SLC6A9: variants seen among roughly 807,000 people sequenced by gnomAD.
SLC6A9 encodes the protein sodium- and chloride-dependent glycine transporter 1.
In SLC6A9, 31 loss-of-function variants were observed where a neutral mutation model predicts 70.9. The ratio of observed to expected loss-of-function variants is 0.44; its 90% CI spans 0.33 to 0.59. The LOEUF is 0.59. Ranked by LOEUF, SLC6A9 falls within the 20% of genes least tolerant of loss-of-function variation. The probability of loss-of-function intolerance (pLI) is 0.04; values close to 1 mark genes in which losing one functional copy is unlikely to be tolerated. For missense variants in SLC6A9, 631 were observed against 845.2 expected (o/e 0.75, Z 3.14); for synonymous variants, 310 against 341.3 (o/e 0.91, Z 1.01).
rs1557663318 is a variant in SLC6A9, at chr1:43,997,704, C to G, written c.1743G>C (p.Trp581Cys). 5 of 1,610,026 alleles carry G rather than the reference C, an allele frequency of 3.1e-6. No individual in the cohort carries two copies. The highest frequency in any genetic ancestry group is 4.2e-6 in the Non-Finnish European group (5 of 1,178,642). Residue 581 changes from tryptophan to cysteine, a missense_variant, in exon 14 of 14, where the codon TGG becomes TGC. Physicochemically the swap from Trp to Cys is radical, Grantham distance 215. Transcript: ENST00000372310. The surrounding 1 kb of genome is among the most constrained non-coding windows in gnomAD (Gnocchi z 4.4). Reference protein sequence around the residue: ...LKNATKPSRDWGPALLEHRTG... With the variant: ...LKNATKPSRDCGPALLEHRTG... ...TCCGGTGCTCCAGGAGGGCAGGGCC[C>G]CAGTCTCTGCTTGGCTTTGTGGCAT...
At chr1:44,004,656 T>C (rs2086247555) in intron 5 of SLC6A9, among the ~76,000 whole-genome samples, 1 of 152,228 alleles carries the variant, frequency 6.6e-6, no homozygotes, top group Non-Finnish European at 1.5e-5. Context: ...TATATTATTT[T>C]TGACTGCAAG....
chr1:44,013,630 G>A lies in SLC6A9; in HGVS notation c.31-2748C>T, dbSNP rs936645030. On this transcript the variant is annotated intron_variant, in intron 2 of 13. Transcript: ENST00000372310. The surrounding 1 kb of genome is among the most constrained non-coding windows in gnomAD (Gnocchi z 5.3). ...TCCCAGCACTGTGGCGCTCGACCACGGGAATCTGGCCCAGGCTTGGCCTCT... is the reference window on the plus strand; with the variant it reads ...TCCCAGCACTGTGGCGCTCGACCACAGGAATCTGGCCCAGGCTTGGCCTCT... 5.3e-5 allele frequency among the ~76,000 whole-genome samples: 8 copies of A among 152,182 alleles called. No homozygotes were observed. Among genetic ancestry groups the A allele is most frequent in the African/African-American group, 1.2e-4 (5 of 41,438 alleles).
chr1:44,019,666 A>G (rs1297933941), intron 2 of SLC6A9, among the ~76,000 whole-genome samples: 2 of 152,244 alleles, frequency 1.3e-5, no homozygotes, highest in African/African-American at 4.8e-5. Flanking sequence ...AGGAGGCGGC[A>G]GCAGCCCAGC....
chr1:43,997,407 G>A lies in SLC6A9; in HGVS notation c.*138C>T, dbSNP rs2085901790. The A allele has an allele frequency of 1.4e-6, 1 of 725,868 alleles. No homozygotes were observed. Among genetic ancestry groups the A allele is most frequent in the African/African-American group, 1.8e-5 (1 of 56,718 alleles). The allele number at this position is 725,868 out of a possible 1,614,324, so 45.0% of individuals were successfully genotyped here. A position where few individuals can be genotyped will look rare whatever the true frequency, so the allele number is the denominator to read the frequency against. ...GACATGAGCATGAATGACTGCACTAGCAGTGGTGACCAAGGTGACAGCAGC... is the reference window on the plus strand; with the variant it reads ...GACATGAGCATGAATGACTGCACTAACAGTGGTGACCAAGGTGACAGCAGC... On this transcript the variant is annotated 3_prime_UTR_variant, in exon 14 of 14. Transcript: ENST00000372310. This position sits in a 1 kb window ranked among gnomAD's most constrained non-coding sequence, Gnocchi z 4.4.
intron 2 of SLC6A9, among the ~76,000 whole-genome samples, chr1:44,019,958 G>T (rs112023383): frequency 0.012 from 1,891 of 151,874 alleles, 43 homozygotes; most frequent in African/African-American, 0.044. Flanking sequence ...AGGAAGTGGG[G>T]AGGGGGAGGG....
intron 4 of SLC6A9, among the ~76,000 whole-genome samples, chr1:44,008,845 G>A (rs1395063117): frequency 6.6e-6 from 1 of 150,794 alleles, no homozygotes; most frequent in African/African-American, 2.4e-5. Flanking sequence ...TCAACCTACC[G>A]AGTAGCTGGG....
intron 1 of SLC6A9, among the ~76,000 whole-genome samples, chr1:44,030,740 C>T (rs1434741941): frequency 6.6e-6 from 1 of 152,214 alleles, no homozygotes; most frequent in Non-Finnish European, 1.5e-5. Context: ...GCACTGGAAC[C>T]GGCACCGGGA....
chr1:44,016,818 T>TCACACC (rs1333479697), intron 2 of SLC6A9, among the ~76,000 whole-genome samples: 1 of 151,950 alleles, frequency 6.6e-6, no homozygotes, highest in Non-Finnish European at 1.5e-5. Flanking sequence ...GGGGGAGCCC[T>TCACACC]CACACCCCCA....
At position 44,001,533 on chromosome 1, in the gene SLC6A9, C is replaced by A; in HGVS notation, c.1057G>T (p.Gly353Cys). 6.2e-7 allele frequency: 1 copy of A among 1,614,230 alleles called. No homozygotes were observed. Among genetic ancestry groups the A allele is most frequent in the Non-Finnish European group, 8.5e-7 (1 of 1,180,034 alleles). ...TCTGCCACACGGGACACATCCACGC[C>A]CAGGTGATTGGCCATGAAGCCGAGG... is the stretch of plus-strand genomic sequence containing the variant. ...SILGFMANHL[G>C]VDVSRVADHG... The change falls in exon 9 of 14, where the codon GGC becomes TGC. Residue 353 changes from glycine (G) to cysteine (C), a missense_variant. By Grantham distance (159) the Gly-to-Cys change is radical. Transcript: ENST00000372310.
chr1:44,027,187 A>G (rs1431478329), intron 1 of SLC6A9, among the ~76,000 whole-genome samples: 2 of 152,140 alleles, frequency 1.3e-5, no homozygotes, highest in African/African-American at 4.8e-5. Flanking sequence ...GACAAGCAGT[A>G]GTGGGTCACA....
At chr1:44,023,916 C>G (rs1303197933) in intron 2 of SLC6A9, among the ~76,000 whole-genome samples, 1 of 152,222 alleles carries the variant, frequency 6.6e-6, no homozygotes, top group Non-Finnish European at 1.5e-5. Flanking sequence ...GGGAGGACCC[C>G]TTGATCAGCA....
intron 2 of SLC6A9, among the ~76,000 whole-genome samples, chr1:44,015,596 C>T (rs780554559): frequency 1.3e-5 from 2 of 152,254 alleles, no homozygotes; most frequent in African/African-American, 4.8e-5. Context: ...CTAGACAGAA[C>T]AGCCATTACA....
intron 1 of SLC6A9, among the ~76,000 whole-genome samples, chr1:44,031,049 C>T (rs966255468): frequency 6.6e-6 from 1 of 151,294 alleles, no homozygotes; most frequent in African/African-American, 2.4e-5. Flanking sequence ...CGCTTCAGCT[C>T]CTTGGTGACA....
At chr1:44,010,674 G>A in intron 3 of SLC6A9, 52 bp downstream of exon 3, 1 of 1,578,702 alleles carries the variant, frequency 6.3e-7, no homozygotes, top group Non-Finnish European at 8.7e-7. Flanking sequence ...CCAGGCCCTG[G>A]TGGGTGGGCT....
At chr1:44,014,462 C>G (rs955094015) in intron 2 of SLC6A9, among the ~76,000 whole-genome samples, 2 of 152,088 alleles carry the variant, frequency 1.3e-5, no homozygotes, top group African/African-American at 4.8e-5. Flanking sequence ...CCCATACACA[C>G]ACACACACAC....
At chr1:44,014,259 C>T (rs1401073288) in intron 2 of SLC6A9, among the ~76,000 whole-genome samples, 1 of 152,156 alleles carries the variant, frequency 6.6e-6, no homozygotes, top group Non-Finnish European at 1.5e-5. Flanking sequence ...CCCTATGTGC[C>T]CTGTCACCCT....
At chr1:44,027,773 C>T (rs1471449707) in intron 1 of SLC6A9, among the ~76,000 whole-genome samples, 4 of 152,162 alleles carry the variant, frequency 2.6e-5, no homozygotes, top group African/African-American at 7.2e-5. Flanking sequence ...GTCAGGAGTT[C>T]GAGACCAGCC....
rs893015465 is a variant in SLC6A9, at chr1:44,013,652, C to G, written c.31-2770G>C. Among the ~76,000 whole-genome samples the G allele has an allele frequency of 3.3e-5, 5 of 152,190 alleles. No individual in the cohort carries two copies. Among genetic ancestry groups the G allele is most frequent in the Non-Finnish European group, 7.3e-5 (5 of 68,032 alleles). On this transcript the variant is annotated intron_variant, in intron 2 of 13. Coordinates refer to ENST00000372310, the MANE Select transcript of SLC6A9 (RefSeq NM_001024845.3). This position sits in a 1 kb window ranked among gnomAD's most constrained non-coding sequence, Gnocchi z 5.3. ...CACGGGAATCTGGCCCAGGCTTGGC[C>G]TCTGTCTTCAACTCCAGGGCTGTCT...
intron 2 of SLC6A9, among the ~76,000 whole-genome samples, chr1:44,021,260 C>T (rs775080945): frequency 7.3e-5 from 11 of 151,514 alleles, no homozygotes; most frequent in Non-Finnish European, 1.6e-4. Flanking sequence ...TGCTCCCAGG[C>T]TTGGAGGCAC....
Sources: allele counts gnomAD v4.1 joint callset (sites outside exome capture counted in the v4.1 genomes callset), GRCh38; gene constraint gnomAD v4.1.1; non-coding constraint Gnocchi (gnomAD v3.1); transcripts MANE v1.5; gene names NCBI Gene and HGNC (gene_info 2026-07-23, HGNC 2026-07-21).